Variants in SPMIP10 observed in about 807,000 individuals in gnomAD.
The protein encoded by SPMIP10 is sperm microtubule inner protein 10, also known as sperm-associated microtubule inner protein 10.
At chr5:126,632,424 G>A in the SPMIP10 span, 11 of 621,944 alleles carry the variant, frequency 1.8e-5, no homozygotes, top group African/African-American at 1.5e-4. Context: ...CAATGGCACA[G>A]CCGTCTGTCC....
At chr5:126,635,409 T>A in the SPMIP10 span, among the ~76,000 whole-genome samples, 13 of 152,294 alleles carry the variant, frequency 8.5e-5, no homozygotes, top group Non-Finnish European at 1.9e-4. Flanking sequence ...ATATATTTTA[T>A]CTGCTACTCA....
the SPMIP10 span, chr5:126,636,264 A>G: frequency 2.5e-6 from 4 of 1,580,854 alleles, no homozygotes; most frequent in South Asian, 4.4e-5. Flanking sequence ...AAAATAATAA[A>G]GTGTTTCAAT....
chr5:126,632,385 A>G, the SPMIP10 span: 18 of 545,660 alleles, frequency 3.3e-5, no homozygotes, highest in Non-Finnish European at 5.6e-5. Context: ...ATACATGGGT[A>G]CTTAAATGGT....
the SPMIP10 span, chr5:126,636,158 A>G: frequency 7.4e-6 from 12 of 1,614,214 alleles, no homozygotes; most frequent in Admixed American, 1.2e-4. Context: ...AGAAATAAAA[A>G]TTGCAGATAT....
chr5:126,632,548 A>G, the SPMIP10 span: 1 of 1,552,218 alleles, frequency 6.4e-7, no homozygotes, highest in Non-Finnish European at 8.9e-7. Context: ...ATCATCAGGT[A>G]TGAAGAGATT....
chr5:126,634,501 G>C, the SPMIP10 span, among the ~76,000 whole-genome samples: 10 of 152,234 alleles, frequency 6.6e-5, no homozygotes, highest in African/African-American at 2.4e-4. Context: ...TAATTTAGTG[G>C]CATATCAAGG....
chr5:126,636,075 C>G, the SPMIP10 span: 1 of 1,614,018 alleles, frequency 6.2e-7, no homozygotes, highest in Non-Finnish European at 8.5e-7. Context: ...TTAGAAGACT[C>G]TCTGTTTTTG....
chr5:126,632,031 G>A, the SPMIP10 span, among the ~76,000 whole-genome samples: 1 of 151,936 alleles, frequency 6.6e-6, no homozygotes, highest in Admixed American at 6.6e-5. Flanking sequence ...GTTTTTTGTG[G>A]CTGGCCAGAC....
the SPMIP10 span, among the ~76,000 whole-genome samples, chr5:126,633,643 A>G: frequency 6.6e-6 from 1 of 152,100 alleles, no homozygotes; most frequent in Non-Finnish European, 1.5e-5. Context: ...TACAGGAGTT[A>G]GCCACCACAC....
chr5:126,636,127 T>C, the SPMIP10 span: 1 of 1,614,102 alleles, frequency 6.2e-7, no homozygotes, highest in Non-Finnish European at 8.5e-7. Context: ...ATCGTAAAGT[T>C]GTCTTCCAAA....
At chr5:126,632,477 G>T in the SPMIP10 span, 1 of 896,052 alleles carries the variant, frequency 1.1e-6, no homozygotes, top group Non-Finnish European at 1.9e-6. Context: ...ACTGCCTCCA[G>T]TGCCTGGAAT....
the SPMIP10 span, among the ~76,000 whole-genome samples, chr5:126,632,276 A>C: frequency 3.1e-4 from 47 of 149,984 alleles, no homozygotes; most frequent in African/African-American, 1.0e-3. Flanking sequence ...AAAAAAAAAA[A>C]AAAAAAAAAA....
chr5:126,635,898 G>A, the SPMIP10 span: 1 of 736,614 alleles, frequency 1.4e-6, no homozygotes, highest in African/African-American at 1.8e-5. Context: ...CTGAGCTCAA[G>A]CAATCTTCCT....
the SPMIP10 span, chr5:126,631,845 T>G: frequency 6.6e-7 from 1 of 1,515,460 alleles, no homozygotes; most frequent in African/African-American, 1.4e-5. Flanking sequence ...GATTCTGGGG[T>G]TTTTTGTTTG....
the SPMIP10 span, chr5:126,632,714 G>T: frequency 7.0e-6 from 7 of 1,003,710 alleles, no homozygotes; most frequent in Non-Finnish European, 1.1e-5. Flanking sequence ...TAAGCCGGAT[G>T]CGGTGACTTG....
the SPMIP10 span, chr5:126,636,160 T>C: frequency 6.2e-7 from 1 of 1,614,188 alleles, no homozygotes; most frequent in East Asian, 2.2e-5. Context: ...AAATAAAAAT[T>C]GCAGATATGC....
the SPMIP10 span, among the ~76,000 whole-genome samples, chr5:126,633,032 T>TATATATATATATATATATATATATATAA: frequency 7.5e-5 from 11 of 146,496 alleles, no homozygotes; most frequent in African/African-American, 2.3e-4. Flanking sequence ...TATATATATA[T>TATATATATATATATATATATATATATAA]AATTTAGTAT....
the SPMIP10 span, chr5:126,632,637 A>G: frequency 1.9e-6 from 3 of 1,594,202 alleles, no homozygotes; most frequent in East Asian, 2.2e-5. Context: ...CATGATATTC[A>G]GGAATGTGAA....
chr5:126,635,696 G>A, the SPMIP10 span, among the ~76,000 whole-genome samples: 4 of 152,164 alleles, frequency 2.6e-5, no homozygotes, highest in Non-Finnish European at 5.9e-5. Context: ...TTTTTGGAGA[G>A]GGGATGGGGT....
Sources: allele counts gnomAD v4.1 joint callset (sites outside exome capture counted in the v4.1 genomes callset), GRCh38; gene constraint gnomAD v4.1.1; transcripts MANE v1.5; gene names NCBI Gene and HGNC (gene_info 2026-07-23, HGNC 2026-07-21).